Variants in SIM2 observed in about 807,000 individuals in gnomAD.
SIM2 encodes the protein single-minded homolog 2.
In SIM2, 28 loss-of-function variants were observed where a neutral mutation model predicts 64.8. The ratio of observed to expected loss-of-function variants is 0.43; its 90% CI spans 0.32 to 0.59. The LOEUF is 0.59. SIM2 is among the 20% of genes least tolerant of loss of function. The probability of loss-of-function intolerance (pLI) is 0.07; values close to 1 mark genes in which losing one functional copy is unlikely to be tolerated. For synonymous variants in SIM2, 408 were observed against 391.1 expected (o/e 1.04, Z -0.51); for missense variants, 847 against 871.4 (o/e 0.97, Z 0.35).
intron 7 of SIM2, among the ~76,000 whole-genome samples, chr21:36,732,963 T>C (rs1310600114): frequency 6.6e-6 from 1 of 151,986 alleles, no homozygotes; most frequent in East Asian, 1.9e-4. Flanking sequence ...CCTAGAACAG[T>C]CTGGGACTTG....
intron 7 of SIM2, among the ~76,000 whole-genome samples, chr21:36,740,812 C>T (rs2089150187): frequency 6.6e-6 from 1 of 152,238 alleles, no homozygotes; most frequent in African/African-American, 2.4e-5. Flanking sequence ...TCTGCTCAGG[C>T]AGCTGCTAGT....
At chr21:36,744,171 G>A (rs2089198138) in intron 9 of SIM2, among the ~76,000 whole-genome samples, 1 of 152,146 alleles carries the variant, frequency 6.6e-6, no homozygotes, top group South Asian at 2.1e-4. Flanking sequence ...GGTGGAGGTT[G>A]CAGTGAGCTG....
intron 3 of SIM2, among the ~76,000 whole-genome samples, chr21:36,719,315 C>T (rs757927327): frequency 2.2e-4 from 33 of 152,276 alleles, no homozygotes; most frequent in Non-Finnish European, 4.0e-4. Context: ...ATGTCCTCCT[C>T]GGGCGCAGTG....
chr21:36,701,360 T>C (rs2088493248), intron 1 of SIM2: 1 of 152,432 alleles, frequency 6.6e-6, no homozygotes, highest in Non-Finnish European at 1.5e-5. Context: ...AGCCTGTTAT[T>C]TGTGCTGGCC....
At chr21:36,713,647 C>T (rs543963688) in intron 3 of SIM2, among the ~76,000 whole-genome samples, 1 of 152,250 alleles carries the variant, frequency 6.6e-6, no homozygotes, top group South Asian at 2.1e-4. Flanking sequence ...TAAAACATGC[C>T]GATTAATGTG....
In SIM2 at chr21:36,699,924, G is replaced by T. The variant is rs906001204; in HGVS notation, c.175+3G>T. 8 of 1,594,398 alleles carry T rather than the reference G, an allele frequency of 5.0e-6. No individual in the cohort carries two copies. The highest frequency in any genetic ancestry group is 1.7e-4 in the Middle Eastern group (1 of 5,794). On this transcript the variant is annotated splice_donor_region_variant and intron_variant, in intron 1 of 10. Transcript: ENST00000290399. This position sits in a 1 kb window ranked among gnomAD's most constrained non-coding sequence, Gnocchi z 5.6. ...GATGCGCGCCGTCTTCCCCGAAGGT[G>T]AGGCCTCAGGTGGGCGGCCGGGGAC...
At position 36,719,900 on chromosome 21, in the gene SIM2, A is replaced by G. The variant is rs201841801; in HGVS notation, c.428A>G (p.His143Arg). The G allele has an allele frequency of 4.3e-6, 7 of 1,610,780 alleles. No homozygotes were observed. The African/African-American group carries it at 9.4e-5, about 22-fold the overall frequency. The change falls in exon 4 of 11, where the codon CAC becomes CGC. Residue 143 changes from histidine (H) to arginine (R), a missense_variant. Physicochemically the swap from His to Arg is conservative, Grantham distance 29 (BLOSUM62 0). This residue lies in a region of SIM2 where 397 missense variants were observed against 439.2 expected (regional missense o/e 0.90). Transcript: ENST00000290399. Reference sequence around the variant, plus strand: ...GAGATGACCGCTGTCCTCACGGCCCACCAGCCGCTGCACCACCACCTGCTC... The same window carrying G: ...GAGATGACCGCTGTCCTCACGGCCCGCCAGCCGCTGCACCACCACCTGCTC... ...HDEMTAVLTA[H>R]QPLHHHLLQE...
At chr21:36,743,836 G>C (rs1216260174) in intron 9 of SIM2, among the ~76,000 whole-genome samples, 1 of 152,230 alleles carries the variant, frequency 6.6e-6, no homozygotes. Flanking sequence ...TGACGGGTTG[G>C]AATCCACGGG....
chr21:36,740,945 C>T (rs1199342597), intron 7 of SIM2, among the ~76,000 whole-genome samples: 1 of 152,184 alleles, frequency 6.6e-6, no homozygotes, highest in African/African-American at 2.4e-5. Context: ...CTTCACCTCT[C>T]CACTGCCCAC....
In SIM2 at chr21:36,745,605, TG is replaced by T. The variant is rs1363189183; in HGVS notation, c.1576+473del. On this transcript the variant is annotated intron_variant, in intron 10 of 10. Transcript: ENST00000290399. This position sits in a 1 kb window ranked among gnomAD's most constrained non-coding sequence, Gnocchi z 4.8. ...AAACTATGGTGGAAATTTGTGGGCT[TG>T]GGGACAGAAATGCCACTCACCAACC... 8.9e-7 allele frequency: 1 copy of T among 1,127,164 alleles called. No individual in the cohort carries two copies. Among genetic ancestry groups the T allele is most frequent in the Non-Finnish European group, 1.1e-6 (1 of 905,982 alleles). The allele number at this position is 1,127,164 out of a possible 1,614,324, so 69.8% of individuals were successfully genotyped here. A position where few individuals can be genotyped will look rare whatever the true frequency, so the allele number is the denominator to read the frequency against.
Position 36,742,330 on chromosome 21 carries a change from G to C in SIM2, c.998+466G>C, listed in dbSNP as rs377137965. ...TTTTACCTGTCTTCTTATAGAGCCTGTTACAAATTAATCATGGTGAATATT... is the reference window on the plus strand; with the variant it reads ...TTTTACCTGTCTTCTTATAGAGCCTCTTACAAATTAATCATGGTGAATATT... On this transcript the variant is annotated intron_variant, in intron 8 of 10. Coordinates refer to ENST00000290399, the MANE Select transcript of SIM2 (RefSeq NM_005069.6). 4.6e-5 allele frequency among the ~76,000 whole-genome samples: 7 copies of C among 151,436 alleles called. 1 individual carries two copies. The highest frequency in any genetic ancestry group is 2.0e-4 in the Admixed American group (3 of 15,246).
intron 9 of SIM2, among the ~76,000 whole-genome samples, chr21:36,744,311 CAAA>C (rs60354140): frequency 1.4e-4 from 6 of 41,780 alleles, no homozygotes; most frequent in African/African-American, 2.5e-4. Context: ...CACATTATGA[CAAA>C]AAAAAAAAAA....
chr21:36,747,844 CCCGAGGCCCCGGGCGCGCCGGCGCAGCTG>C lies in SIM2; in HGVS notation c.1759_1787del (p.Glu587LeufsTer102). 1 of 1,038,080 alleles carries C rather than the reference CCCGAGGCCCCGGGCGCGCCGGCGCAGCTG, an allele frequency of 9.6e-7. No individual in the cohort carries two copies. The highest frequency in any genetic ancestry group is 1.2e-6 in the Non-Finnish European group (1 of 863,448). The allele number at this position is 1,038,080 out of a possible 1,614,324, so 64.3% of individuals were successfully genotyped here. ...ACCCGAGTGCTGCGCGCCCCCGACCCCCGAGGCCCCGGGCGCGCCGGCGCAGCTGCCCTTCGTGCTGCTCAACTACCACC... is the reference window on the plus strand; with the variant it reads ...ACCCGAGTGCTGCGCGCCCCCGACCCCCCTTCGTGCTGCTCAACTACCACC... On this transcript the variant is annotated frameshift_variant, in exon 11 of 11. Transcript: ENST00000290399. LOFTEE classifies it high-confidence loss of function. The surrounding 1 kb of genome is among the most constrained non-coding windows in gnomAD (Gnocchi z 4.5).
chr21:36,733,585 A>T (rs958778938), intron 7 of SIM2, among the ~76,000 whole-genome samples: 3 of 141,146 alleles, frequency 2.1e-5, no homozygotes, highest in Non-Finnish European at 4.6e-5. Flanking sequence ...TTTCAGACAG[A>T]GTCTTGCTCT....
chr21:36,737,834 G>A (rs953601961), intron 7 of SIM2, among the ~76,000 whole-genome samples: 2 of 151,630 alleles, frequency 1.3e-5, no homozygotes, highest in South Asian at 2.1e-4. Flanking sequence ...GGTGGCATTC[G>A]CCTGTAATCC....
rs1410251792 is a variant in SIM2, at chr21:36,744,813, C to T, written c.1253C>T (p.Pro418Leu). Residue 418 changes from proline (P) to leucine (L), a missense_variant, in exon 10 of 11, where the codon CCT (proline) becomes CTT (leucine). Coordinates refer to ENST00000290399, the MANE Select transcript of SIM2 (RefSeq NM_005069.6). The part of the protein sequence containing the change: ...RASPPASAAA[P>L]PELQPHSESS... The stretch of plus-strand genomic sequence containing the variant: ...AGTCCCCCTGCAAGCGCTGCTGCTC[C>T]TCCAGAACTGCAGCCCCACTCAGAA... The T allele has an allele frequency of 6.2e-7, 1 of 1,614,190 alleles. No individual in the cohort carries two copies. Among genetic ancestry groups the T allele is most frequent in the Admixed American group, 1.7e-5 (1 of 60,022 alleles).
chr21:36,703,341 G>A (rs889969676), intron 1 of SIM2, among the ~76,000 whole-genome samples: 27 of 152,168 alleles, frequency 1.8e-4, no homozygotes, highest in African/African-American at 5.1e-4. Context: ...ACTCGGCCTT[G>A]GTCTCCTTAT....
At chr21:36,744,585 C>A in intron 9 of SIM2, 143 bp from the exon 10 acceptor site, 1 of 1,007,766 alleles carries the variant, frequency 9.9e-7, no homozygotes, top group Non-Finnish European at 1.4e-6. Flanking sequence ...TGTGCCTGTC[C>A]CCAGTGGGAC....
At position 36,731,120 on chromosome 21, in the gene SIM2, C is replaced by T. The variant is rs139320055; in HGVS notation, c.819C>T (p.Asp273=). 1.1e-5 allele frequency: 18 copies of T among 1,613,960 alleles called. No individual in the cohort carries two copies. The highest frequency in any genetic ancestry group is 6.7e-5 in the Admixed American group (4 of 60,026). The change falls in exon 7 of 11, where the codon GAC becomes GAT. Residue 273 remains aspartate, a synonymous_variant. Coordinates refer to ENST00000290399, the MANE Select transcript of SIM2 (RefSeq NM_005069.6). ...KTLYHHVHGC[D]VFHLRYAHHL... Reference sequence around the variant, plus strand: ...TATACCATCACGTGCACGGCTGCGACGTGTTCCACCTCCGCTACGCACACC... The same window carrying T: ...TATACCATCACGTGCACGGCTGCGATGTGTTCCACCTCCGCTACGCACACC...
Sources: gnomAD v4.1 joint callset for allele counts (sites outside exome capture counted in the v4.1 genomes callset) on GRCh38, gnomAD v4.1.1 for gene constraint, gnomAD v4.1.1 regional missense constraint, Gnocchi (gnomAD v3.1) non-coding constraint, MANE v1.5 for transcripts, NCBI Gene and HGNC (gene_info 2026-07-23, HGNC 2026-07-21) for gene names.